Variants in PCP4 observed in about 807,000 individuals in gnomAD.
PCP4 encodes the protein calmodulin regulator protein PCP4.
PCP4 carries 8 observed loss-of-function variants against 10.0 expected under a neutral mutation model. The observed-to-expected ratio is 0.80, with a 90% CI of 0.47 to 1.45. PCP4 has a LOEUF of 1.45. PCP4 is among the 40% of genes most tolerant of loss of function. PCP4 has a pLI of 0.00. For missense variants in PCP4, 54 were observed against 74.4 expected, an observed-to-expected ratio of 0.73 and a Z score of 1.01; for synonymous variants, 21 against 23.0, an observed-to-expected ratio of 0.91 and a Z score of 0.24.
intron 2 of PCP4, among the ~76,000 whole-genome samples, chr21:39,918,112 G>A (rs2087577792): frequency 6.6e-6 from 1 of 152,202 alleles, no homozygotes; most frequent in South Asian, 2.1e-4. Flanking sequence ...GACCCCGTGT[G>A]TGATACTTTG....
chr21:39,901,448 G>C (rs570984823), intron 2 of PCP4, among the ~76,000 whole-genome samples: 1 of 152,304 alleles, frequency 6.6e-6, no homozygotes, highest in South Asian at 2.1e-4. Context: ...GCTTTATCTT[G>C]ACATCCTATT....
intron 1 of PCP4, among the ~76,000 whole-genome samples, chr21:39,870,067 T>G (rs2087312484): frequency 6.6e-6 from 1 of 152,172 alleles, no homozygotes; most frequent in Non-Finnish European, 1.5e-5. Context: ...GACCCCAAAG[T>G]GTCATATACT....
At chr21:39,894,969 G>A (rs2276524) in intron 1 of PCP4, among the ~76,000 whole-genome samples, 38,270 of 151,938 alleles carry the variant, frequency 0.25, 5,111 homozygotes, top group Admixed American at 0.31. Flanking sequence ...ACCTACCTCC[G>A]TCTGTCTGTT....
At chr21:39,911,499 T>A (rs1203312059) in intron 2 of PCP4, among the ~76,000 whole-genome samples, 1 of 152,160 alleles carries the variant, frequency 6.6e-6, no homozygotes, top group Non-Finnish European at 1.5e-5. Context: ...CTGGTGGCAA[T>A]TGGCATACAT....
chr21:39,915,497 A>G (rs973823413), intron 2 of PCP4, among the ~76,000 whole-genome samples: 1 of 152,220 alleles, frequency 6.6e-6, no homozygotes, highest in African/African-American at 2.4e-5. Context: ...CAAGATAACA[A>G]CTGCTTAAAC....
At chr21:39,904,246 TTG>T (rs2087495992) in intron 2 of PCP4, among the ~76,000 whole-genome samples, 1 of 152,168 alleles carries the variant, frequency 6.6e-6, no homozygotes, top group East Asian at 1.9e-4. Context: ...CCCTGGCCCT[TTG>T]TGGCTCCATA....
rs532111894 is a variant in PCP4 at position 39,891,410 on chromosome 21, G to T, written c.10-7066G>T. Among the ~76,000 whole-genome samples the T allele has an allele frequency of 3.0e-4, 46 of 152,336 alleles. 1 individual carries two copies. The South Asian group carries it at 9.5e-3, about 32-fold the overall frequency. On this transcript the variant is annotated intron_variant, in intron 1 of 2. Transcript: ENST00000328619. ...AGGCAGATGCAAGGTGCAAGACTTT[G>T]CATGGTCCAGATGCATGGGGAATTG...
intron 2 of PCP4, among the ~76,000 whole-genome samples, chr21:39,904,094 G>A (rs907190675): frequency 2.0e-5 from 3 of 152,140 alleles, no homozygotes; most frequent in African/African-American, 7.2e-5. Flanking sequence ...CTGCTCTTAA[G>A]TAGGTAGAGA....
At chr21:39,874,299 C>T (rs1320341274) in intron 1 of PCP4, among the ~76,000 whole-genome samples, 1 of 152,192 alleles carries the variant, frequency 6.6e-6, no homozygotes, top group African/African-American at 2.4e-5. Flanking sequence ...AGTCAGACCT[C>T]TTCCTCGTAG....
chr21:39,921,707 G>A (rs2087597439), intron 2 of PCP4, among the ~76,000 whole-genome samples: 1 of 152,190 alleles, frequency 6.6e-6, no homozygotes, highest in Non-Finnish European at 1.5e-5. Flanking sequence ...ATGTGGTGAG[G>A]ACACAGCAAA....
At chr21:39,868,719 A>C (rs2087305525) in intron 1 of PCP4, among the ~76,000 whole-genome samples, 1 of 152,204 alleles carries the variant, frequency 6.6e-6, no homozygotes, top group Non-Finnish European at 1.5e-5. Flanking sequence ...CCCAATTGAC[A>C]GATGAGGACA....
At chr21:39,923,869 C>A (rs559273595) in intron 2 of PCP4, among the ~76,000 whole-genome samples, 2 of 152,200 alleles carry the variant, frequency 1.3e-5, no homozygotes, top group African/African-American at 2.4e-5. Flanking sequence ...TGTGTGCCCT[C>A]GTAGCTAAGG....
At chr21:39,905,768 G>A (rs775908170) in intron 2 of PCP4, among the ~76,000 whole-genome samples, 45 of 152,150 alleles carry the variant, frequency 3.0e-4, no homozygotes, top group Non-Finnish European at 2.5e-4. Context: ...AAAAAATGTG[G>A]CCGGGCACGG....
intron 1 of PCP4, among the ~76,000 whole-genome samples, chr21:39,897,349 C>T (rs1291439911): frequency 6.8e-6 from 1 of 145,992 alleles, no homozygotes; most frequent in South Asian, 2.2e-4. Context: ...GATCCTGCCA[C>T]TGCACTCCAG....
intron 2 of PCP4, among the ~76,000 whole-genome samples, chr21:39,904,898 G>A (rs1283214440): frequency 3.3e-5 from 5 of 152,162 alleles, no homozygotes; most frequent in Non-Finnish European, 7.3e-5. Context: ...TCTTTGAAAA[G>A]GAACAGAGAC....
At chr21:39,913,686 T>C (rs578139659) in intron 2 of PCP4, among the ~76,000 whole-genome samples, 242 of 152,320 alleles carry the variant, frequency 1.6e-3, no homozygotes, top group African/African-American at 5.4e-3. Flanking sequence ...TGAGCAGTGA[T>C]GGGCGTCTAT....
chr21:39,899,206 T>C (rs2087471317), intron 2 of PCP4, among the ~76,000 whole-genome samples: 1 of 152,076 alleles, frequency 6.6e-6, no homozygotes, highest in Admixed American at 6.6e-5. Flanking sequence ...GAACCCCAGG[T>C]CTCTAACTTT....
chr21:39,893,034 C>T (rs1042972511), intron 1 of PCP4, among the ~76,000 whole-genome samples: 2 of 152,108 alleles, frequency 1.3e-5, no homozygotes, highest in Admixed American at 6.6e-5. Context: ...GGTTACCCTC[C>T]GGGGCTGGGA....
intron 1 of PCP4, among the ~76,000 whole-genome samples, chr21:39,887,970 G>A (rs953565619): frequency 8.5e-5 from 13 of 152,200 alleles, no homozygotes; most frequent in African/African-American, 3.1e-4. Flanking sequence ...GTCCCCATGT[G>A]CAATATATAC....
Sources: gnomAD v4.1 joint callset for allele counts (sites outside exome capture counted in the v4.1 genomes callset) on GRCh38, gnomAD v4.1.1 for gene constraint, MANE v1.5 for transcripts, NCBI Gene and HGNC (gene_info 2026-07-23, HGNC 2026-07-21) for gene names.